The following CDC14B variants were observed in gnomAD, a reference collection of about 807,000 sequenced individuals.
The protein encoded by CDC14B is dual specificity protein phosphatase CDC14B.
In CDC14B, 22 loss-of-function variants were observed where a neutral mutation model predicts 64.2. The observed-to-expected ratio is 0.34, with a 90% CI of 0.24 to 0.49. The LOEUF (loss-of-function observed/expected upper bound fraction) is 0.49, where lower values mean the gene tolerates loss of function less well. Among genes scored for constraint, CDC14B ranks in the 20% least tolerant of loss-of-function variants. CDC14B has a pLI of 0.99. For synonymous variants in CDC14B, 191 were observed against 215.8 expected (o/e 0.89, Z 1.01); for missense variants, 498 against 629.9 (o/e 0.79, Z 2.24).
chr9:96,571,468 C>G (rs1213624846), intron 1 of CDC14B, among the ~76,000 whole-genome samples: 1 of 152,114 alleles, frequency 6.6e-6, no homozygotes, highest in Non-Finnish European at 1.5e-5. Flanking sequence ...GCCACCTCGC[C>G]TGGGCTATAA....
At chr9:96,497,680 A>AT (rs1032502268), downstream of CDC14B, among the ~76,000 whole-genome samples, 2 of 152,064 alleles carry the variant, frequency 1.3e-5, no homozygotes, top group South Asian at 2.1e-4. Flanking sequence ...CATTAATTTT[A>AT]TTTTTTTTAC....
intron 1 of CDC14B, among the ~76,000 whole-genome samples, chr9:96,580,589 G>A (rs1289882418): frequency 6.6e-6 from 1 of 152,092 alleles, no homozygotes; most frequent in Non-Finnish European, 1.5e-5. Flanking sequence ...GTTCTGGAGG[G>A]CAATCTGGCA....
At chr9:96,545,050 G>C (rs1840611217) in intron 5 of CDC14B, among the ~76,000 whole-genome samples, 1 of 152,154 alleles carries the variant, frequency 6.6e-6, no homozygotes, top group African/African-American at 2.4e-5. Flanking sequence ...AAGTTCTCGG[G>C]ATAGGGCCAG....
rs753420170 is a variant in CDC14B at position 96,562,804 on chromosome 9, C to G, written c.328-19G>C. On this transcript the variant is annotated intron_variant, in intron 3 of 13. Transcript: ENST00000375241. ...TAATGGACTGCATAAAAATAAATAA[C>G]TGTTAGCATTTTCTTTTTAATTTCA... 14 of 1,444,538 alleles carry G rather than the reference C, an allele frequency of 9.7e-6. No individual in the cohort carries two copies. The South Asian group carries it at 1.5e-4, about 16-fold the overall frequency. The allele number at this position is 1,444,538 out of a possible 1,614,324, so 89.5% of individuals were successfully genotyped here. A position where few individuals can be genotyped will look rare whatever the true frequency, so the allele number is the denominator to read the frequency against.
Position 96,515,347 on chromosome 9 carries a change from C to T in CDC14B, c.1344-5558G>A, listed in dbSNP as rs1835485828. 6.6e-6 allele frequency among the ~76,000 whole-genome samples: 1 copy of T among 152,188 alleles called. No individual in the cohort carries two copies. Among genetic ancestry groups the T allele is most frequent in the Non-Finnish European group, 1.5e-5 (1 of 68,030 alleles). ...AACTACTTTTGATAGGGAAGAAAAA[C>T]TGTTTCAGTGAAGAAAAACTGTTTC... is the stretch of plus-strand genomic sequence containing the variant. On this transcript the variant is annotated intron_variant, in intron 12 of 13. Coordinates refer to ENST00000375241, the MANE Select transcript of CDC14B (RefSeq NM_033331.4). The surrounding 1 kb of genome is among the most constrained non-coding windows in gnomAD (Gnocchi z 4.3).
chr9:96,538,791 A>G (rs1839635050), intron 7 of CDC14B: 1 of 264,078 alleles, frequency 3.8e-6, no homozygotes, highest in East Asian at 9.8e-5. Flanking sequence ...CAGAGTACAA[A>G]CCATCAGAGG....
At chr9:96,597,969 A>C (rs1298005853) in intron 1 of CDC14B, among the ~76,000 whole-genome samples, 2 of 152,228 alleles carry the variant, frequency 1.3e-5, no homozygotes, top group Admixed American at 1.3e-4. Flanking sequence ...TCTTGAGTAC[A>C]ATTATGACTT....
intron 1 of CDC14B, among the ~76,000 whole-genome samples, chr9:96,602,783 T>TA (rs1300005242): frequency 6.6e-6 from 1 of 152,182 alleles, no homozygotes; most frequent in African/African-American, 2.4e-5. Flanking sequence ...TGGAATTAGC[T>TA]ATTCTTTGCT....
intron 1 of CDC14B, among the ~76,000 whole-genome samples, chr9:96,587,837 C>T (rs1316867623): frequency 6.6e-6 from 1 of 152,040 alleles, no homozygotes; most frequent in Non-Finnish European, 1.5e-5. Context: ...TCAACAAGTG[C>T]CCCAGAGCAA....
At chr9:96,609,968 CA>C (rs1402551923) in intron 1 of CDC14B, among the ~76,000 whole-genome samples, 9 of 152,048 alleles carry the variant, frequency 5.9e-5, no homozygotes, top group Non-Finnish European at 1.3e-4. Context: ...ATTTTTGAGC[CA>C]ACTGGTGAAT....
chr9:96,494,439 A>C (rs2131177179), intron 13 of CDC14B, among the ~76,000 whole-genome samples: 1 of 152,346 alleles, frequency 6.6e-6, no homozygotes, highest in Non-Finnish European at 1.5e-5. Context: ...TTCTCCATGT[A>C]AACCGGATGG....
intron 1 of CDC14B, among the ~76,000 whole-genome samples, chr9:96,583,553 C>T (rs1418877502): frequency 6.6e-6 from 1 of 150,896 alleles, no homozygotes; most frequent in South Asian, 2.1e-4. Context: ...CGCACCACCA[C>T]GCCTGGCTAG....
At chr9:96,519,730 T>TAA (rs59101582) in intron 12 of CDC14B, among the ~76,000 whole-genome samples, 64 of 111,304 alleles carry the variant, frequency 5.8e-4, no homozygotes, top group Middle Eastern at 5.3e-3. Flanking sequence ...GACTCTGTCT[T>TAA]AAAAAAAAAA....
intron 1 of CDC14B, among the ~76,000 whole-genome samples, chr9:96,569,573 C>G (rs1433955467): frequency 6.6e-6 from 1 of 152,158 alleles, no homozygotes; most frequent in Admixed American, 6.5e-5. Flanking sequence ...ACTACAGAGA[C>G]TATGGTGCTG....
intron 12 of CDC14B, among the ~76,000 whole-genome samples, chr9:96,517,662 A>G (rs955312302): frequency 9.6e-4 from 138 of 144,276 alleles, no homozygotes; most frequent in East Asian, 2.5e-3. Context: ...AAAAAAAAAA[A>G]AAGAAGAAGA....
At chr9:96,609,586 A>G (rs374595474) in intron 1 of CDC14B, among the ~76,000 whole-genome samples, 15 of 152,320 alleles carry the variant, frequency 9.8e-5, no homozygotes, top group African/African-American at 3.6e-4. Flanking sequence ...TAGATAATAA[A>G]TGAGCAAAAC....
intron 1 of CDC14B, 23 bp from the exon 2 acceptor site, chr9:96,565,506 T>G: frequency 6.8e-7 from 1 of 1,470,422 alleles, no homozygotes; most frequent in Non-Finnish European, 9.5e-7. Flanking sequence ...AATTGCAATG[T>G]TCCTTCCTGG....
chr9:96,543,435 T>A (rs150088709), intron 5 of CDC14B, among the ~76,000 whole-genome samples: 1 of 152,220 alleles, frequency 6.6e-6, no homozygotes, highest in Non-Finnish European at 1.5e-5. Flanking sequence ...TGCCCTACCT[T>A]CTTTCTGATT....
At chr9:96,585,752 C>T (rs1845422086) in intron 1 of CDC14B, among the ~76,000 whole-genome samples, 1 of 152,206 alleles carries the variant, frequency 6.6e-6, no homozygotes, top group African/African-American at 2.4e-5. Context: ...AGACATTCTA[C>T]TCCTAAGTAT....
Sources: gnomAD v4.1 joint callset for allele counts (sites outside exome capture counted in the v4.1 genomes callset) on GRCh38, gnomAD v4.1.1 for gene constraint, Gnocchi (gnomAD v3.1) non-coding constraint, MANE v1.5 for transcripts, NCBI Gene and HGNC (gene_info 2026-07-23, HGNC 2026-07-21) for gene names.